Variants in IRAG1 observed in about 807,000 individuals in gnomAD.
The protein encoded by IRAG1 is inositol 1,4,5-triphosphate receptor associated 1.
Under a neutral mutation model 106.2 loss-of-function variants are expected in IRAG1, and 62 were observed. The ratio of observed to expected loss-of-function variants is 0.58; its 90% CI spans 0.48 to 0.72. The LOEUF (loss-of-function observed/expected upper bound fraction) is 0.72. IRAG1 is among the 30% of genes least tolerant of loss of function. IRAG1 has a pLI of 0.00. For synonymous variants in IRAG1, 462 were observed against 443.9 expected (o/e 1.04, Z -0.51); for missense variants, 1,064 against 1,140.7 (o/e 0.93, Z 0.97).
At chr11:10,641,453 G>C (rs190316870) in intron 2 of IRAG1, among the ~76,000 whole-genome samples, 1 of 152,244 alleles carries the variant, frequency 6.6e-6, no homozygotes, top group Admixed American at 6.5e-5. Flanking sequence ...AGTGATCAAG[G>C]ACCCACCACC....
intron 10 of IRAG1, among the ~76,000 whole-genome samples, chr11:10,623,137 C>T (rs1049001671): frequency 3.3e-5 from 5 of 152,056 alleles, no homozygotes; most frequent in Non-Finnish European, 5.9e-5. Flanking sequence ...TGGTGGGGCT[C>T]GACATACTCA....
intron 17 of IRAG1, among the ~76,000 whole-genome samples, chr11:10,592,375 A>G (rs557717167): frequency 6.6e-6 from 1 of 152,354 alleles, no homozygotes; most frequent in South Asian, 2.1e-4. Flanking sequence ...CTGTTAAAAT[A>G]CACTAACCAG....
intron 1 of IRAG1, among the ~76,000 whole-genome samples, chr11:10,660,466 G>A (rs938746319): frequency 6.6e-6 from 1 of 152,134 alleles, no homozygotes; most frequent in African/African-American, 2.4e-5. Flanking sequence ...CATAGTGGGA[G>A]TATCTATACC....
At chr11:10,658,421 A>C (rs1031623989) in intron 1 of IRAG1, 2 of 152,324 alleles carry the variant, frequency 1.3e-5, no homozygotes, top group African/African-American at 4.8e-5. Flanking sequence ...CAGGAAATAC[A>C]TGCAAGGTGC....
At chr11:10,622,904 C>CACACACACACA (rs1554923901) in intron 10 of IRAG1, among the ~76,000 whole-genome samples, 1 of 151,944 alleles carries the variant, frequency 6.6e-6, no homozygotes, top group Non-Finnish European at 1.5e-5. Flanking sequence ...CACACACACT[C>CACACACACACA]CTGCCCTTGG....
chr11:10,686,885 C>G (rs1861697354), intron 1 of IRAG1, among the ~76,000 whole-genome samples: 1 of 152,164 alleles, frequency 6.6e-6, no homozygotes, highest in East Asian at 1.9e-4. Flanking sequence ...AGTTCCTTTC[C>G]CATATATTTT....
chr11:10,633,283 G>C (rs912281561), intron 3 of IRAG1, among the ~76,000 whole-genome samples: 2 of 152,124 alleles, frequency 1.3e-5, no homozygotes, highest in Non-Finnish European at 2.9e-5. Flanking sequence ...CACTGTGTTA[G>C]CCAGGATGGT....
At chr11:10,640,096 C>T (rs973634719) in intron 2 of IRAG1, among the ~76,000 whole-genome samples, 5 of 152,178 alleles carry the variant, frequency 3.3e-5, no homozygotes, top group Admixed American at 6.5e-5. Context: ...ATAGTGCCCT[C>T]GGTGTTGATA....
intron 1 of IRAG1, among the ~76,000 whole-genome samples, chr11:10,673,992 C>T (rs1323011801): frequency 6.6e-6 from 1 of 152,098 alleles, no homozygotes; most frequent in Non-Finnish European, 1.5e-5. Flanking sequence ...CAGACAGAGA[C>T]ATGGAGACAA....
chr11:10,642,467 C>G (rs1857583568), intron 2 of IRAG1, among the ~76,000 whole-genome samples: 1 of 152,208 alleles, frequency 6.6e-6, no homozygotes, highest in Admixed American at 6.5e-5. Context: ...CTCCAGCCCA[C>G]TCCAGCTCAG....
At position 10,657,572 on chromosome 11, in the gene IRAG1, G is replaced by T. The variant is rs1564931702; in HGVS notation, c.68-5390C>A. Among the ~76,000 whole-genome samples the T allele has an allele frequency of 6.6e-6, 1 of 152,226 alleles. No individual in the cohort carries two copies. Reference sequence around the variant, plus strand: ...TTTCGGGAAACCATGGGTTAACCTAGCCTCCACTGACCTTTCTGGAGTGAC... The same window carrying T: ...TTTCGGGAAACCATGGGTTAACCTATCCTCCACTGACCTTTCTGGAGTGAC... On this transcript the variant is annotated intron_variant, in intron 1 of 20. Coordinates refer to ENST00000423302, the MANE Select transcript of IRAG1 (RefSeq NM_130385.4). The surrounding 1 kb of genome is among the most constrained non-coding windows in gnomAD (Gnocchi z 4.1).
chr11:10,593,564 A>G lies in IRAG1; in HGVS notation c.2103T>C (p.Val701=), dbSNP rs1215615183. 1.2e-6 allele frequency: 2 copies of G among 1,613,894 alleles called. No homozygotes were observed. The change falls in exon 17 of 21, where the codon GTT becomes GTC. Residue 701 remains valine, a synonymous_variant. Transcript: ENST00000423302. Reference sequence around the variant, plus strand: ...GCAGATTCAGGGCATTAAACTTAGGAACCACAGCAACGCTGACCCTCCGGC... The same window carrying G: ...GCAGATTCAGGGCATTAAACTTAGGGACCACAGCAACGCTGACCCTCCGGC... ...MPRRRVSVAV[V]PKFNALNLPG... is the part of the protein sequence containing the mutation.
At chr11:10,645,754 T>G (rs1465212118) in intron 2 of IRAG1, among the ~76,000 whole-genome samples, 1 of 152,264 alleles carries the variant, frequency 6.6e-6, no homozygotes, top group African/African-American at 2.4e-5. Context: ...CTGCCTGGGT[T>G]TGAATTTAGC....
chr11:10,624,407 A>T (rs183490807), intron 9 of IRAG1, among the ~76,000 whole-genome samples: 1 of 152,300 alleles, frequency 6.6e-6, no homozygotes, highest in East Asian at 1.9e-4. Flanking sequence ...CAGAAAAGTG[A>T]GGCCTGAGAA....
rs1269736358 is a variant in IRAG1, at chr11:10,632,062, C to G, written c.330-1G>C. On this transcript the variant is annotated splice_acceptor_variant, in intron 3 of 20. Transcript: ENST00000423302. LOFTEE classifies it high-confidence loss of function. ...AAGCCTCTTGTGGGGACTGTGAACT[C>G]TGAAAGACAGAACAGTCATCTTGTT... The G allele has an allele frequency of 6.2e-7, 1 of 1,612,524 alleles. No homozygotes were observed. Among genetic ancestry groups the G allele is most frequent in the South Asian group, 1.1e-5 (1 of 91,064 alleles).
In IRAG1 at chr11:10,628,010, C is replaced by T. The variant is rs1054417004; in HGVS notation, c.668G>A (p.Ser223Asn). 1 of 1,613,152 alleles carries T rather than the reference C, an allele frequency of 6.2e-7. No homozygotes were observed. Among genetic ancestry groups the T allele is most frequent in the Non-Finnish European group, 8.5e-7 (1 of 1,179,410 alleles). Residue 223 changes from serine to asparagine, a missense_variant, in exon 7 of 21, where the codon AGT becomes AAT. Ser to Asn is a conservative substitution (Grantham distance 46). Coordinates refer to ENST00000423302, the MANE Select transcript of IRAG1 (RefSeq NM_130385.4). This position sits in a 1 kb window ranked among gnomAD's most constrained non-coding sequence, Gnocchi z 4.1. ...VPTPPGLDVC[S>N]GPPSPLPGAP... ...TCCAGGCAGAGGGGATGGCGGGCCA[C>T]TGCACACATCCAAACCTGGAAGGGT...
chr11:10,579,627 A>G (rs1274221840), intron 20 of IRAG1, among the ~76,000 whole-genome samples: 1 of 151,966 alleles, frequency 6.6e-6, no homozygotes. Context: ...GTAACACCTC[A>G]TCTATGGGTG....
At chr11:10,631,259 A>C (rs1856669898) in intron 4 of IRAG1, among the ~76,000 whole-genome samples, 1 of 152,108 alleles carries the variant, frequency 6.6e-6, no homozygotes, top group Non-Finnish European at 1.5e-5. Context: ...CCCAATTGGT[A>C]CACATGGCAG....
chr11:10,590,967 G>A (rs1041712275), intron 18 of IRAG1, among the ~76,000 whole-genome samples: 26 of 152,148 alleles, frequency 1.7e-4, no homozygotes, highest in African/African-American at 6.0e-4. Context: ...CTTTTAGAAA[G>A]GGACTTCCTT....
Sources: allele counts gnomAD v4.1 joint callset (sites outside exome capture counted in the v4.1 genomes callset), GRCh38; gene constraint gnomAD v4.1.1; non-coding constraint Gnocchi (gnomAD v3.1); transcripts MANE v1.5; gene names NCBI Gene and HGNC (gene_info 2026-07-23, HGNC 2026-07-21).